Variants in ZSCAN20 observed in about 807,000 individuals in gnomAD.
The protein encoded by ZSCAN20 is zinc finger and SCAN domain-containing protein 20.
A neutral mutation model predicts 97.1 loss-of-function variants in ZSCAN20; 39 were observed. That is an observed-to-expected ratio of 0.40 (90% CI 0.31 to 0.52). The LOEUF (loss-of-function observed/expected upper bound fraction) is 0.52, where lower values mean the gene tolerates loss of function less well. Ranked by LOEUF, ZSCAN20 falls within the 20% of genes least tolerant of loss-of-function variation. ZSCAN20 has a pLI of 0.49. For missense variants in ZSCAN20, 1,115 were observed against 1,290.4 expected (o/e 0.86, Z 2.08); for synonymous variants, 456 against 467.3 (o/e 0.98, Z 0.31).
chr1:33,501,536 A>ATTTTTTTTTTTT lies in ZSCAN20; in HGVS notation c.*6063_*6074dup, dbSNP rs34549868. ...TGCTTTCACTTCCCCATTTTCTGTTATTTTTTTTTTTTTTGTGCTGTTATG... is the reference window on the plus strand; with the variant it reads ...TGCTTTCACTTCCCCATTTTCTGTTATTTTTTTTTTTTTTTTTTTTTTTTTTGTGCTGTTATG... On this transcript the variant is annotated 3_prime_UTR_variant, in exon 8 of 8. Coordinates refer to ENST00000684572, the MANE Select transcript of ZSCAN20 (RefSeq NM_001377376.1). Among the ~76,000 whole-genome samples the ATTTTTTTTTTTT allele has an allele frequency of 1.5e-5, 2 of 136,750 alleles. No homozygotes were observed. The highest frequency in any genetic ancestry group is 1.6e-5 in the Non-Finnish European group (1 of 64,222). 89.7% of individuals were successfully genotyped at this position (136,750 alleles called of 152,430 possible).
chr1:33,493,123 ATT>A lies in ZSCAN20; in HGVS notation c.1445-63_1445-62del. 6.5e-7 allele frequency: 1 copy of A among 1,528,402 alleles called. No individual in the cohort carries two copies. Among genetic ancestry groups the A allele is most frequent in the Admixed American group, 1.8e-5 (1 of 55,198 alleles). The allele number at this position is 1,528,402 out of a possible 1,614,324, so 94.7% of individuals were successfully genotyped here. On this transcript the variant is annotated intron_variant, in intron 6 of 7. Coordinates refer to ENST00000684572, the MANE Select transcript of ZSCAN20 (RefSeq NM_001377376.1). This position sits in a 1 kb window ranked among gnomAD's most constrained non-coding sequence, Gnocchi z 4.3. Reference sequence around the variant, plus strand: ...GGTATTTTGAAGGGCAGGTGACTTTATTCTCTGATGACCTAGGCACATCTCAT... The same window carrying A: ...GGTATTTTGAAGGGCAGGTGACTTTACTCTGATGACCTAGGCACATCTCAT...
intron 2 of ZSCAN20, among the ~76,000 whole-genome samples, chr1:33,484,215 C>T (rs1464489900): frequency 1.3e-5 from 2 of 152,224 alleles, no homozygotes; most frequent in East Asian, 3.9e-4. Context: ...TTGTATTAGT[C>T]TGGACTTCCA....
rs781187084 is a variant in ZSCAN20, at chr1:33,493,438, G to A, written c.1696G>A (p.Asp566Asn). 2 of 1,614,076 alleles carry A rather than the reference G, an allele frequency of 1.2e-6. No individual in the cohort carries two copies. The highest frequency in any genetic ancestry group is 1.7e-6 in the Non-Finnish European group (2 of 1,180,046). ...PGTCPFYEEL[D>N]SLMRARAAVR... Reference sequence around the variant, plus strand: ...GACATGCCCTTTCTATGAGGAACTGGACTCGCTGATGAGGGCTCGGGCTGC... The same window carrying A: ...GACATGCCCTTTCTATGAGGAACTGAACTCGCTGATGAGGGCTCGGGCTGC... Residue 566 changes from aspartate (D) to asparagine (N), a missense_variant, in exon 7 of 8, where the codon GAC (aspartate) becomes AAC (asparagine). Physicochemically the swap from Asp to Asn is conservative, Grantham distance 23. Transcript: ENST00000684572. The surrounding 1 kb of genome is among the most constrained non-coding windows in gnomAD (Gnocchi z 4.3).
chr1:33,490,664 C>CAT, intron 5 of ZSCAN20, among the ~76,000 whole-genome samples: 1 of 56,196 alleles, frequency 1.8e-5, no homozygotes, highest in East Asian at 4.5e-4. Flanking sequence ...CACACACACA[C>CAT]ACACACACAC....
chr1:33,490,953 T>TCG, intron 5 of ZSCAN20, 72 bp from the exon 6 acceptor site: 1 of 1,413,260 alleles, frequency 7.1e-7, no homozygotes, highest in Non-Finnish European at 9.6e-7. Flanking sequence ...AGATAGAAGT[T>TCG]TCAGGGAGAT....
In ZSCAN20 at chr1:33,488,111, T is replaced by G. The variant is rs1570556761; in HGVS notation, c.418-354T>G. Among the ~76,000 whole-genome samples the G allele has an allele frequency of 2.6e-5, 4 of 152,358 alleles. 1 individual carries two copies. In the South Asian group the frequency reaches 8.3e-4, roughly 32 times the overall value. On this transcript the variant is annotated intron_variant, in intron 2 of 7. Coordinates refer to ENST00000684572, the MANE Select transcript of ZSCAN20 (RefSeq NM_001377376.1). ...CTTTTAATATACAACTTGATAACTT[T>G]TATCTTTTTTTGATCATTTAAAAAG... is the stretch of plus-strand genomic sequence containing the variant.
rs533529002 is a variant in ZSCAN20, at chr1:33,479,243, A to G, written c.-46A>G. 10 of 1,536,730 alleles carry G rather than the reference A, an allele frequency of 6.5e-6. No homozygotes were observed. The African/African-American group carries it at 1.4e-4, about 21-fold the overall frequency. Reference sequence around the variant, plus strand: ...GGACTCACCGTAGATGCAGGAAGACATTGGATGAGGTCAGCATAGCTGAAG... The same window carrying G: ...GGACTCACCGTAGATGCAGGAAGACGTTGGATGAGGTCAGCATAGCTGAAG... On this transcript the variant is annotated 5_prime_UTR_variant, in exon 2 of 8. Coordinates refer to ENST00000684572, the MANE Select transcript of ZSCAN20 (RefSeq NM_001377376.1).
At position 33,495,455 on chromosome 1, in the gene ZSCAN20, T is replaced by C. The variant is rs765117245; in HGVS notation, c.3111T>C (p.His1037=). 2.6e-6 allele frequency: 4 copies of C among 1,538,826 alleles called. No individual in the cohort carries two copies. The highest frequency in any genetic ancestry group is 2.8e-5 in the African/African-American group (2 of 72,488). ...SSHFSAHRRT[H]AGGKAS ...ACTTCAGTGCTCACCGGAGAACCCA[T>C]GCAGGAGGGAAGGCGTCGTAGGGGA... Residue 1037 remains histidine, a synonymous_variant, in exon 8 of 8, where the codon CAT becomes CAC. Transcript: ENST00000684572.
rs756947455 is a variant in ZSCAN20, at chr1:33,479,409, C to A, written c.121C>A (p.Arg41Ser). Residue 41 changes from arginine to serine, a missense_variant, in exon 2 of 8, where the codon CGT (arginine) becomes AGT (serine). Physicochemically the swap from Arg to Ser is moderately radical, Grantham distance 110. Coordinates refer to ENST00000684572, the MANE Select transcript of ZSCAN20 (RefSeq NM_001377376.1). ...GSESKLWEKD[R>S]GSVSGPEASR... ...AGAATCCAAACTCTGGGAGAAGGAC[C>A]GTGGCTCTGTCTCTGGCCCAGAGGC... 1.2e-6 allele frequency: 2 copies of A among 1,614,242 alleles called. No homozygotes were observed. The highest frequency in any genetic ancestry group is 2.7e-5 in the African/African-American group (2 of 75,068).
At chr1:33,481,856 G>A (rs1652167721) in intron 2 of ZSCAN20, among the ~76,000 whole-genome samples, 1 of 152,010 alleles carries the variant, frequency 6.6e-6, no homozygotes, top group African/African-American at 2.4e-5. Flanking sequence ...TCTCCATCAG[G>A]TGCACAGGGA....
intron 2 of ZSCAN20, among the ~76,000 whole-genome samples, chr1:33,484,619 C>CT (rs34906889): frequency 0.43 from 57,296 of 133,462 alleles, 12,423 homozygotes; most frequent in Non-Finnish European, 0.47. Flanking sequence ...GATTTTGCAT[C>CT]TTTTTTTTTT....
At position 33,491,692 on chromosome 1, in the gene ZSCAN20, G is replaced by A; in HGVS notation, c.1434G>A (p.Gln478=). 6.3e-7 allele frequency: 1 copy of A among 1,589,470 alleles called. No individual in the cohort carries two copies. Among genetic ancestry groups the A allele is most frequent in the Non-Finnish European group, 8.5e-7 (1 of 1,170,248 alleles). The change falls in exon 6 of 8, where the codon CAG becomes CAA. Residue 478 remains glutamine (Q), a synonymous_variant. Transcript: ENST00000684572. This position sits in a 1 kb window ranked among gnomAD's most constrained non-coding sequence, Gnocchi z 4.3. ...PRIAGAPALF[Q]SRIAGVHWGY... ...TTGCAGGGGCCCCAGCTCTGTTCCA[G>A]AGTCGTATTGGTAAGAACATGGGGG...
chr1:33,494,346 G>C lies in ZSCAN20; in HGVS notation c.2002G>C (p.Glu668Gln), dbSNP rs1418738105. The change falls in exon 8 of 8, where the codon GAA becomes CAA. Residue 668 changes from glutamate to glutamine, a missense_variant. Transcript: ENST00000684572. ...CQPLDWGEDS[E>Q]NENEDEGQWG... is the part of the protein sequence containing the mutation. ...ACCTCTTGACTGGGGAGAAGACAGT[G>C]AAAATGAAAATGAAGATGAAGGGCA... 1 of 1,614,168 alleles carries C rather than the reference G, an allele frequency of 6.2e-7. No individual in the cohort carries two copies. Among genetic ancestry groups the C allele is most frequent in the East Asian group, 2.2e-5 (1 of 44,886 alleles).
chr1:33,491,084 G>T lies in ZSCAN20; in HGVS notation c.826G>T (p.Gly276Cys). The T allele has an allele frequency of 6.2e-7, 1 of 1,613,594 alleles. No homozygotes were observed. Among genetic ancestry groups the T allele is most frequent in the Non-Finnish European group, 8.5e-7 (1 of 1,179,946 alleles). The change falls in exon 6 of 8, where the codon GGT becomes TGT. Residue 276 changes from glycine to cysteine, a missense_variant. Gly to Cys is a radical substitution (Grantham distance 159). Transcript: ENST00000684572. This position sits in a 1 kb window ranked among gnomAD's most constrained non-coding sequence, Gnocchi z 4.3. ...SEKEQGPEFW[G>C]LSLINSGKRS... ...GAAAGAGCAAGGACCAGAGTTTTGG[G>T]GTCTAAGTCTTATAAATTCTGGGAA...
intron 2 of ZSCAN20, among the ~76,000 whole-genome samples, chr1:33,487,714 G>A (rs566032771): frequency 1.2e-4 from 18 of 152,200 alleles, no homozygotes; most frequent in African/African-American, 4.1e-4. Flanking sequence ...ATGATCATAG[G>A]TCACTGGTAC....
chr1:33,488,738 T>G, intron 3 of ZSCAN20, 87 bp downstream of exon 3: 1 of 1,441,522 alleles, frequency 6.9e-7, no homozygotes, highest in South Asian at 1.3e-5. Flanking sequence ...GGAAGAAGGA[T>G]GTGCAGAATT....
intron 1 of ZSCAN20, among the ~76,000 whole-genome samples, chr1:33,477,363 C>T (rs1460098695): frequency 6.6e-6 from 1 of 152,120 alleles, no homozygotes; most frequent in African/African-American, 2.4e-5. Flanking sequence ...ACCATCTCTC[C>T]ATTCTCAATT....
chr1:33,488,701 GGATGGGA>G, intron 3 of ZSCAN20, 50 bp downstream of exon 3: 1 of 1,572,016 alleles, frequency 6.4e-7, no homozygotes, highest in South Asian at 1.2e-5. Flanking sequence ...CAGGGGAGAG[GGATGGGA>G]GGTGAGGAAG....
At chr1:33,487,155 G>A (rs1024088646) in intron 2 of ZSCAN20, among the ~76,000 whole-genome samples, 2 of 152,198 alleles carry the variant, frequency 1.3e-5, no homozygotes, top group African/African-American at 2.4e-5. Context: ...CCTGTGATGA[G>A]GAGAGGGGAA....
Sources: allele counts gnomAD v4.1 joint callset (sites outside exome capture counted in the v4.1 genomes callset), GRCh38; gene constraint gnomAD v4.1.1; non-coding constraint Gnocchi (gnomAD v3.1); transcripts MANE v1.5; gene names NCBI Gene and HGNC (gene_info 2026-07-23, HGNC 2026-07-21).